PRKCH: variants seen among roughly 807,000 people sequenced by gnomAD.
The protein encoded by PRKCH is protein kinase C eta, also known as protein kinase C eta type.
In PRKCH, 28 loss-of-function variants were observed where a neutral mutation model predicts 82.5. The ratio of observed to expected loss-of-function variants is 0.34; its 90% CI spans 0.25 to 0.47. The LOEUF is 0.47. Ranked by LOEUF, PRKCH falls within the 20% of genes least tolerant of loss-of-function variation. The probability of loss-of-function intolerance (pLI) is 1.00; values close to 1 mark genes in which losing one functional copy is unlikely to be tolerated. For synonymous variants in PRKCH, 322 were observed against 327.4 expected, an observed-to-expected ratio of 0.98 and a Z score of 0.18; for missense variants, 705 against 881.8, an observed-to-expected ratio of 0.80 and a Z score of 2.54.
chr14:61,210,079 C>CAAAAAA (rs1234744623), intron 1 of PRKCH, among the ~76,000 whole-genome samples: 6 of 120,448 alleles, frequency 5.0e-5, no homozygotes, highest in African/African-American at 1.8e-4. Flanking sequence ...TCTACTAAAA[C>CAAAAAA]AAAAACAAAA....
rs1459536108 is a variant in PRKCH at position 61,431,403 on chromosome 14, C to T, written c.428-11708C>T. On this transcript the variant is annotated intron_variant, in intron 2 of 13. Transcript: ENST00000332981. Reference sequence around the variant, plus strand: ...AAATTGCCCACTTGGCCCTCTTCCACGTGTACTTTGCTTCCTTTCATTCCT... The same window carrying T: ...AAATTGCCCACTTGGCCCTCTTCCATGTGTACTTTGCTTCCTTTCATTCCT... 5.3e-5 allele frequency among the ~76,000 whole-genome samples: 8 copies of T among 152,292 alleles called. No individual in the cohort carries two copies. In the South Asian group the frequency reaches 1.5e-3, roughly 28 times the overall value.
At chr14:61,296,136 G>A (rs991591272) in intron 1 of PRKCH, among the ~76,000 whole-genome samples, 1 of 151,976 alleles carries the variant, frequency 6.6e-6, no homozygotes, top group Admixed American at 6.5e-5. Flanking sequence ...AGAGTAAAAG[G>A]GTAAACTTTA....
chr14:61,230,550 G>A (rs575065697), intron 1 of PRKCH, among the ~76,000 whole-genome samples: 3 of 152,214 alleles, frequency 2.0e-5, no homozygotes, highest in Non-Finnish European at 4.4e-5. Flanking sequence ...CTGAAAAGGT[G>A]TAGATAATGT....
chr14:61,437,816 A>G (rs977746728), intron 2 of PRKCH, among the ~76,000 whole-genome samples: 2 of 151,884 alleles, frequency 1.3e-5, no homozygotes, highest in Admixed American at 1.3e-4. Context: ...CTTTCTATCG[A>G]CCAGGTGCAA....
chr14:61,241,827 CTG>C (rs1209160412), intron 1 of PRKCH, among the ~76,000 whole-genome samples: 1 of 152,182 alleles, frequency 6.6e-6, no homozygotes, highest in Non-Finnish European at 1.5e-5. Flanking sequence ...AGTATCTACT[CTG>C]TGGACTTAGC....
intron 2 of PRKCH, among the ~76,000 whole-genome samples, chr14:61,402,114 C>T (rs1033068896): frequency 3.9e-5 from 6 of 152,120 alleles, no homozygotes; most frequent in East Asian, 1.9e-4. Context: ...TTGTTATTAA[C>T]GATTGTAATT....
chr14:61,420,050 C>T (rs903060545), intron 2 of PRKCH, among the ~76,000 whole-genome samples: 3 of 152,298 alleles, frequency 2.0e-5, no homozygotes, highest in Non-Finnish European at 4.4e-5. Context: ...CATGGGCATT[C>T]CGTGGTGAGT....
At chr14:61,214,433 C>T (rs1259564582) in intron 1 of PRKCH, among the ~76,000 whole-genome samples, 2 of 151,992 alleles carry the variant, frequency 1.3e-5, no homozygotes, top group African/African-American at 4.8e-5. Context: ...CCTCTACAAT[C>T]TCCTAAAATT....
At position 61,297,711 on chromosome 14, in the gene PRKCH, A is replaced by C. The variant is rs1311033379; in HGVS notation, c.-19+110043A>C. Among the ~76,000 whole-genome samples, 370 of 152,244 alleles carry C rather than the reference A, an allele frequency of 2.4e-3. 3 individuals are homozygous for C. Among genetic ancestry groups the C allele is most frequent in the Admixed American group, 3.9e-3 (59 of 15,296 alleles). On this transcript the variant is annotated intron_variant, in intron 1 of 3. Transcript: ENST00000555185. ...TAGTGCTGCCACTGATCTGACGGGA[A>C]GTGGAGTTCAGGGGGTAATGCTGGC...
intron 1 of PRKCH, among the ~76,000 whole-genome samples, chr14:61,340,238 T>C (rs2045915094): frequency 6.6e-6 from 1 of 152,122 alleles, no homozygotes. Flanking sequence ...TTTGTCTTGT[T>C]GGCTGCTACC....
At chr14:61,224,811 G>A (rs1459387833) in intron 1 of PRKCH, among the ~76,000 whole-genome samples, 1 of 152,150 alleles carries the variant, frequency 6.6e-6, no homozygotes, top group Non-Finnish European at 1.5e-5. Flanking sequence ...CTCTTTGGAA[G>A]CAAGTTTCTG....
chr14:61,231,653 T>C (rs890032907), intron 1 of PRKCH, among the ~76,000 whole-genome samples: 2 of 152,200 alleles, frequency 1.3e-5, no homozygotes, highest in African/African-American at 4.8e-5. Flanking sequence ...ATTGCAGGTG[T>C]GAGCCACCGT....
chr14:61,213,168 G>A (rs2044594635), intron 1 of PRKCH, among the ~76,000 whole-genome samples: 4 of 152,248 alleles, frequency 2.6e-5, no homozygotes, highest in Middle Eastern at 3.4e-3. Flanking sequence ...AAGTTGTTAC[G>A]AATTTTGGAT....
intron 2 of PRKCH, among the ~76,000 whole-genome samples, chr14:61,408,199 A>G (rs981750455): frequency 2.0e-5 from 3 of 152,078 alleles, no homozygotes; most frequent in Admixed American, 1.3e-4. Flanking sequence ...TCAGCATCCC[A>G]TCCTACTCAG....
At chr14:61,434,432 T>C (rs897256866) in intron 2 of PRKCH, among the ~76,000 whole-genome samples, 12 of 152,052 alleles carry the variant, frequency 7.9e-5, no homozygotes, top group Admixed American at 3.9e-4. Context: ...GAAGAATGTC[T>C]GACCTACTGT....
At position 61,252,314 on chromosome 14, in the gene PRKCH, G is replaced by T. The variant is rs542037620; in HGVS notation, c.-19+64646G>T. Among the ~76,000 whole-genome samples, 101 of 152,182 alleles carry T rather than the reference G, an allele frequency of 6.6e-4. 1 individual carries two copies. The highest frequency in any genetic ancestry group is 1.1e-3 in the Non-Finnish European group (77 of 68,032). ...TTCAGGAGAAGGCCTTGCTCTGTGG[G>T]GAGGAAGGAAGACCGTGACTTTCTC... On this transcript the variant is annotated intron_variant, in intron 1 of 3. Transcript: ENST00000555185.
chr14:61,436,285 C>A (rs1883675467), intron 2 of PRKCH, among the ~76,000 whole-genome samples: 1 of 152,136 alleles, frequency 6.6e-6, no homozygotes, highest in Non-Finnish European at 1.5e-5. Context: ...CTTTTGCCAT[C>A]CCATTTAGTT....
intron 1 of PRKCH, among the ~76,000 whole-genome samples, chr14:61,300,855 A>G (rs1008819613): frequency 2.6e-5 from 4 of 152,158 alleles, no homozygotes; most frequent in Non-Finnish European, 5.9e-5. Context: ...TGAATGGTAA[A>G]GAACAGAAAA....
Position 61,476,102 on chromosome 14 carries a change from C to G in PRKCH, c.1279-9400C>G, listed in dbSNP as rs1390921894. Among the ~76,000 whole-genome samples, 4 of 152,194 alleles carry G rather than the reference C, an allele frequency of 2.6e-5. No individual in the cohort carries two copies. In the East Asian group the frequency reaches 7.7e-4, roughly 29 times the overall value. The stretch of plus-strand genomic sequence containing the variant: ...TTCCACAAACTGTTTTAACTATGGG[C>G]AAGGTACTTCACTTCTTTGCCCTTT... On this transcript the variant is annotated intron_variant, in intron 9 of 13. Transcript: ENST00000332981.
Sources: gnomAD v4.1 joint callset for allele counts (sites outside exome capture counted in the v4.1 genomes callset) on GRCh38, gnomAD v4.1.1 for gene constraint, MANE v1.5 for transcripts, NCBI Gene and HGNC (gene_info 2026-07-23, HGNC 2026-07-21) for gene names.